CLECL1: variants seen among roughly 807,000 people sequenced by gnomAD.
CLECL1 encodes C-type lectin-like domain family 1.
the CLECL1 span, among the ~76,000 whole-genome samples, chr12:9,710,755 G>A: frequency 6.6e-6 from 1 of 152,174 alleles, no homozygotes; most frequent in Non-Finnish European, 1.5e-5. Flanking sequence ...CCAGCATGCT[G>A]GTAGGCCACT....
upstream of CLECL1, chr12:9,733,141 T>C: frequency 6.2e-7 from 1 of 1,614,156 alleles, no homozygotes; most frequent in Non-Finnish European, 8.5e-7. Context: ...AATTTCCTTC[T>C]GCTCCCCAAG....
At chr12:9,718,056 C>G (rs146386394), downstream of CLECL1, among the ~76,000 whole-genome samples, 1 of 152,180 alleles carries the variant, frequency 6.6e-6, no homozygotes, top group Non-Finnish European at 1.5e-5. Context: ...GATTCTTCCT[C>G]TTTGGCCTAT....
At chr12:9,715,804 A>G (rs1866233239), downstream of CLECL1, 1 of 152,038 alleles carries the variant, frequency 6.6e-6, no homozygotes, top group East Asian at 1.9e-4. Context: ...GCCTTTCATC[A>G]TTGGTTCCGA....
At position 9,716,726 on chromosome 12, in the gene CLECL1, G is replaced by T. The variant is rs74994405; in HGVS notation, n.203C>A. ...GATGCCTGTAGCCTCTGTCTCCTCA[G>T]CACTGAAGTCTAGGAACTTCTATAT... is the stretch of plus-strand genomic sequence containing the variant. On this transcript the variant is annotated non_coding_transcript_exon_variant, in exon 3 of 3. Transcript: ENST00000540988. The T allele has an allele frequency of 7.9e-4, 984 of 1,250,552 alleles. 4 individuals are homozygous for T. The East Asian group carries it at 0.014, about 18-fold the overall frequency. The allele number at this position is 1,250,552 out of a possible 1,614,324, so 77.5% of individuals were successfully genotyped here.
At chr12:9,733,315 TTTAAC>T (rs779423983), upstream of CLECL1, 26 of 1,282,048 alleles carry the variant, frequency 2.0e-5, no homozygotes, top group Non-Finnish European at 2.6e-5. Flanking sequence ...TTGAAATGCT[TTTAAC>T]TTTTATTAAT....
the CLECL1 span, among the ~76,000 whole-genome samples, chr12:9,710,586 T>G: frequency 6.6e-6 from 1 of 152,302 alleles, no homozygotes; most frequent in East Asian, 1.9e-4. Context: ...AAGACCACCC[T>G]GGCCTGCCAT....
intron 1 of CLECL1, among the ~76,000 whole-genome samples, chr12:9,732,182 T>C (rs566857669): frequency 6.6e-6 from 1 of 152,112 alleles, no homozygotes; most frequent in Admixed American, 6.6e-5. Context: ...ACGAACAAAG[T>C]AGCAGATTCA....
chr12:9,704,992 C>G, the CLECL1 span, among the ~76,000 whole-genome samples: 27 of 152,312 alleles, frequency 1.8e-4, no homozygotes, highest in African/African-American at 6.3e-4. Flanking sequence ...GCCATACTGT[C>G]TTCCACAATG....
chr12:9,709,507 G>C, the CLECL1 span, among the ~76,000 whole-genome samples: 5 of 152,288 alleles, frequency 3.3e-5, no homozygotes, highest in Non-Finnish European at 7.3e-5. Context: ...GACCCTTATA[G>C]ATAGAGGCTC....
At chr12:9,717,868 G>GTTTTT (rs776897374), downstream of CLECL1, among the ~76,000 whole-genome samples, 1,329 of 149,116 alleles carry the variant, frequency 8.9e-3, 13 homozygotes, top group African/African-American at 0.028. Flanking sequence ...TTCTTTTTCT[G>GTTTTT]TTTTTTTTTC....
At chr12:9,728,973 G>A (rs927039073) in intron 2 of CLECL1, among the ~76,000 whole-genome samples, 1 of 151,820 alleles carries the variant, frequency 6.6e-6, no homozygotes, top group African/African-American at 2.4e-5. Flanking sequence ...AGTTTAATCT[G>A]GAAGCCTGAA....
chr12:9,705,524 T>C, the CLECL1 span, among the ~76,000 whole-genome samples: 1 of 152,222 alleles, frequency 6.6e-6, no homozygotes, highest in Non-Finnish European at 1.5e-5. Context: ...TCTATGGTTT[T>C]TATAGTTTTG....
At chr12:9,734,341 T>G (rs778791775), upstream of CLECL1, among the ~76,000 whole-genome samples, 1 of 152,194 alleles carries the variant, frequency 6.6e-6, no homozygotes, top group Non-Finnish European at 1.5e-5. Context: ...CATGACACTC[T>G]CTCCCTTTTC....
chr12:9,719,673 G>A (rs984882377), downstream of CLECL1, among the ~76,000 whole-genome samples: 1 of 152,140 alleles, frequency 6.6e-6, no homozygotes, highest in African/African-American at 2.4e-5. Flanking sequence ...GAGTTCAAGT[G>A]GGCTATAATC....
At chr12:9,730,985 C>CACT (rs911501903) in intron 1 of CLECL1, among the ~76,000 whole-genome samples, 8 of 152,298 alleles carry the variant, frequency 5.3e-5, no homozygotes, top group Admixed American at 4.6e-4. Flanking sequence ...TGTGCCTGGC[C>CACT]ACTACACATG....
At chr12:9,722,113 A>C (rs1866320379), downstream of CLECL1, among the ~76,000 whole-genome samples, 1 of 152,186 alleles carries the variant, frequency 6.6e-6, no homozygotes, top group Admixed American at 6.5e-5. Context: ...AATATTTGTA[A>C]TTTAACATGT....
chr12:9,728,719 C>T (rs1386058311), intron 2 of CLECL1, among the ~76,000 whole-genome samples: 1 of 151,798 alleles, frequency 6.6e-6, no homozygotes, highest in Non-Finnish European at 1.5e-5. Context: ...TATTGCTCCC[C>T]CAACCCCATT....
intron 1 of CLECL1, among the ~76,000 whole-genome samples, chr12:9,732,746 C>T (rs1054635538): frequency 6.6e-6 from 1 of 152,200 alleles, no homozygotes; most frequent in Non-Finnish European, 1.5e-5. Flanking sequence ...CAAAGTTCTA[C>T]ATATTAAAAC....
At chr12:9,718,201 T>A (rs1042101754), downstream of CLECL1, among the ~76,000 whole-genome samples, 1 of 151,978 alleles carries the variant, frequency 6.6e-6, no homozygotes, top group South Asian at 2.1e-4. Context: ...TTTTCCACAT[T>A]TGTAAATATT....
Sources: allele counts gnomAD v4.1 joint callset (sites outside exome capture counted in the v4.1 genomes callset), GRCh38; gene constraint gnomAD v4.1.1; transcripts MANE v1.5; gene names NCBI Gene and HGNC (gene_info 2026-07-23, HGNC 2026-07-21).